The following ECEL1 variants were observed in gnomAD, a reference collection of about 807,000 sequenced individuals.
ECEL1 encodes the protein endothelin converting enzyme like 1, also known as endothelin-converting enzyme-like 1.
In ECEL1, 87 loss-of-function variants were observed where a neutral mutation model predicts 101.8. The ratio of observed to expected loss-of-function variants is 0.85; its 90% confidence interval spans 0.72 to 1.02. The LOEUF is 1.02. Among genes scored for constraint, ECEL1 ranks in the 50% least tolerant of loss-of-function variants. The pLI, the probability that ECEL1 is intolerant of heterozygous loss-of-function variation, is 0.00. For missense variants in ECEL1, 1,032 were observed against 1,079.2 expected (o/e 0.96, Z 0.61); for synonymous variants, 487 against 468.7 (o/e 1.04, Z -0.50).
rs551381928 is a variant in ECEL1 at position 232,481,281 on chromosome 2, AG to A, written c.1990-126del. 227 of 1,363,926 alleles carry A rather than the reference AG, an allele frequency of 1.7e-4. 2 individuals are homozygous for A. In the South Asian group the frequency reaches 2.3e-3, roughly 14 times the overall value. The allele number at this position is 1,363,926 out of a possible 1,614,324, so 84.5% of individuals were successfully genotyped here. A position where few individuals can be genotyped will look rare whatever the true frequency, so the allele number is the denominator to read the frequency against. On this transcript the variant is annotated intron_variant, in intron 14 of 17. Coordinates refer to ENST00000304546, the MANE Select transcript of ECEL1 (RefSeq NM_004826.4). ...CTCCTTCCCTTGCCCAGAGAGTTTG[AG>A]GGGGGGCTCCAACCCTACTCTTTCC...
intron 5 of ECEL1, 100 bp downstream of exon 5, chr2:232,484,701 A>C (rs1448645409): frequency 1.9e-6 from 3 of 1,603,618 alleles, no homozygotes; most frequent in Non-Finnish European, 2.6e-6. Context: ...GTCCATGGCC[A>C]AGGAACGGTT....
At position 232,484,965 on chromosome 2, in the gene ECEL1, G is replaced by A; in HGVS notation, c.966+16C>T. 6.2e-7 allele frequency: 1 copy of A among 1,612,960 alleles called. No homozygotes were observed. The highest frequency in any genetic ancestry group is 1.3e-5 in the African/African-American group (1 of 75,054). On this transcript the variant is annotated intron_variant, in intron 4 of 17. Coordinates refer to ENST00000304546, the MANE Select transcript of ECEL1 (RefSeq NM_004826.4). ...TCCCTCAAGCCCAGGGCAGCCTCCA[G>A]TCCTGGTCTGCTCACGTTGGCCAGC...
chr2:232,486,547 C>A lies in ECEL1; in HGVS notation c.107G>T (p.Gly36Val), dbSNP rs1173200136. Reference protein sequence around the residue: ...GGARGASLPPGFPLGAARSAT... With the variant: ...GGARGASLPPVFPLGAARSAT... ...GCTGCGCGCAGCGCCCAACGGGAAG[C>A]CCGGGGGCAGGGAGGCCCCGCGCGC... The change falls in exon 2 of 18, where the codon GGC (glycine) becomes GTC (valine). Residue 36 changes from glycine (G) to valine (V), a missense_variant. Transcript: ENST00000304546. The A allele has an allele frequency of 2.2e-6, 3 of 1,351,756 alleles. No individual in the cohort carries two copies. The highest frequency in any genetic ancestry group is 1.9e-5 in the South Asian group (1 of 53,330). The allele number at this position is 1,351,756 out of a possible 1,614,324, so 83.7% of individuals were successfully genotyped here.
chr2:232,485,122 C>G (rs763370483), intron 3 of ECEL1, 31 bp from the exon 4 acceptor site: 1 of 1,611,628 alleles, frequency 6.2e-7, no homozygotes, highest in Non-Finnish European at 8.5e-7. Context: ...CACCCAGGGA[C>G]AGGGACAGGC....
rs564717204 is a variant in ECEL1 at position 232,486,499 on chromosome 2, A to G, written c.155T>C (p.Leu52Pro). The G allele has an allele frequency of 6.1e-3, 8,367 of 1,382,718 alleles. 24 individuals carry two copies. The highest frequency in any genetic ancestry group is 6.9e-3 in the Non-Finnish European group (7,491 of 1,078,528). 85.7% of individuals were successfully genotyped at this position (1,382,718 alleles called of 1,614,324 possible). A position where few individuals can be genotyped will look rare whatever the true frequency, so the allele number is the denominator to read the frequency against. ...ARSATGARSG[L>P]PRWNRREVCL... ...CACCTCGCGCCGGTTCCAGCGCGGC[A>G]GCCCGGACCGGGCCCCGGTGGCGCT... Residue 52 changes from leucine to proline, a missense_variant, in exon 2 of 18, where the codon CTG (leucine) becomes CCG (proline). Coordinates refer to ENST00000304546, the MANE Select transcript of ECEL1 (RefSeq NM_004826.4).
At position 232,482,835 on chromosome 2, in the gene ECEL1, T is replaced by C; in HGVS notation, c.1685+16A>G. 6.2e-7 allele frequency: 1 copy of C among 1,613,326 alleles called. No individual in the cohort carries two copies. The highest frequency in any genetic ancestry group is 1.1e-5 in the South Asian group (1 of 91,064). ...ACAACCCTTCCCTGACCCCCAGCTC[T>C]GGGCCAGGCACCCACGTGGACTTGT... is the stretch of plus-strand genomic sequence containing the variant. On this transcript the variant is annotated intron_variant, in intron 10 of 17. Coordinates refer to ENST00000304546, the MANE Select transcript of ECEL1 (RefSeq NM_004826.4).
chr2:232,481,913 C>T, intron 12 of ECEL1, 64 bp from the exon 13 acceptor site: 1 of 1,601,950 alleles, frequency 6.2e-7, no homozygotes, highest in Non-Finnish European at 8.5e-7. Context: ...ATGCTGCTGC[C>T]CAGGCCCCAG....
Position 232,486,083 on chromosome 2 carries a change from G to T in ECEL1, c.571C>A (p.Arg191Ser), listed in dbSNP as rs1239757026. The T allele has an allele frequency of 1.9e-6, 3 of 1,599,516 alleles. No homozygotes were observed. The highest frequency in any genetic ancestry group is 2.7e-5 in the African/African-American group (2 of 74,762). Residue 191 changes from arginine (R) to serine (S), a missense_variant, in exon 2 of 18, where the codon CGC becomes AGC. Coordinates refer to ENST00000304546, the MANE Select transcript of ECEL1 (RefSeq NM_004826.4). ...CGCGGGCCCAGTCGCTCGATCTCGC[G>T]CATGTCGAGGCACGAGCGGAAGAAG... ...RAFFRSCLDMREIERLGPRPM... is the reference protein window; with the variant it reads ...RAFFRSCLDMSEIERLGPRPM...
rs773230129 is a variant in ECEL1 at position 232,484,769 on chromosome 2, C to A, written c.1059+32G>T. 4.4e-5 allele frequency: 71 copies of A among 1,613,092 alleles called. No homozygotes were observed. In the South Asian group the frequency reaches 7.6e-4, roughly 17 times the overall value. ...CCCAGCAGCAGCATTGCCCTCAACC[C>A]TGCCTGCCCACGAGGACTGGGCCAC... is the stretch of plus-strand genomic sequence containing the variant. On this transcript the variant is annotated intron_variant, in intron 5 of 17. Transcript: ENST00000304546.
At position 232,485,934 on chromosome 2, in the gene ECEL1, G is replaced by A; in HGVS notation, c.720C>T (p.Ser240=). The change falls in exon 2 of 18, where the codon AGC becomes AGT. Residue 240 remains serine, a synonymous_variant. Coordinates refer to ENST00000304546, the MANE Select transcript of ECEL1 (RefSeq NM_004826.4). ...RLLYKAQGVY[S]AAALFSLTVS... ...CCGTGAGCGAGAAGAGCGCGGCGGC[G>A]CTGTACACGCCCTGCGCCTTGTACA... 6.3e-7 allele frequency: 1 copy of A among 1,578,882 alleles called. No individual in the cohort carries two copies. The highest frequency in any genetic ancestry group is 8.6e-7 in the Non-Finnish European group (1 of 1,164,928).
intron 10 of ECEL1, 24 bp from the exon 11 acceptor site, chr2:232,482,632 T>TG (rs775332520): frequency 6.3e-7 from 1 of 1,599,402 alleles, no homozygotes; most frequent in African/African-American, 1.3e-5. Flanking sequence ...CTGGGGTGAA[T>TG]GGGGGGAACA....
Position 232,480,085 on chromosome 2 carries a change from C to A in ECEL1, c.*68G>T. The A allele has an allele frequency of 6.5e-7, 1 of 1,527,944 alleles. No homozygotes were observed. Among genetic ancestry groups the A allele is most frequent in the Non-Finnish European group, 9.0e-7 (1 of 1,110,156 alleles). 94.6% of individuals were successfully genotyped at this position (1,527,944 alleles called of 1,614,324 possible). A position where few individuals can be genotyped will look rare whatever the true frequency, so the allele number is the denominator to read the frequency against. ...AGCGGGGCTGGCACCGGGTGCATGC[C>A]TGCCCCGGTAGCCAGCAGGAGGTGA... is the stretch of plus-strand genomic sequence containing the variant. On this transcript the variant is annotated 3_prime_UTR_variant, in exon 18 of 18. Transcript: ENST00000304546.
intron 13 of ECEL1, 41 bp from the exon 14 acceptor site, chr2:232,481,671 G>GCCCC: frequency 2.5e-6 from 4 of 1,602,222 alleles, no homozygotes; most frequent in South Asian, 2.2e-5. Flanking sequence ...CCTCACCTGA[G>GCCCC]CCCCCTCCCC....
intron 10 of ECEL1, 56 bp from the exon 11 acceptor site, chr2:232,482,664 C>G (rs1035271393): frequency 6.4e-6 from 10 of 1,567,802 alleles, no homozygotes; most frequent in Non-Finnish European, 8.7e-6. Context: ...CCGCTACCCT[C>G]ACATCACAGC....
Position 232,484,012 on chromosome 2 carries a change from T to C in ECEL1, c.1396A>G (p.Ser466Gly), listed in dbSNP as rs1305736313. The stretch of plus-strand genomic sequence containing the variant: ...CAAGGGCAACCCACCTTGGCTTTGC[T>C]GGCAGCTGAGAAGTGCTCATGTACA... The part of the protein sequence containing the change: ...LFVHEHFSAA[S>G]KAKVQQLVED... Residue 466 changes from serine (S) to glycine (G), a missense_variant, in exon 7 of 18, where the codon AGC becomes GGC. Coordinates refer to ENST00000304546, the MANE Select transcript of ECEL1 (RefSeq NM_004826.4). The C allele has an allele frequency of 1.2e-6, 2 of 1,603,144 alleles. No homozygotes were observed. The highest frequency in any genetic ancestry group is 1.7e-6 in the Non-Finnish European group (2 of 1,171,634).
In ECEL1 at chr2:232,480,380, G is replaced by A; in HGVS notation, c.2228+19C>T. The A allele has an allele frequency of 6.2e-7, 1 of 1,613,434 alleles. No individual in the cohort carries two copies. The highest frequency in any genetic ancestry group is 8.5e-7 in the Non-Finnish European group (1 of 1,179,482). On this transcript the variant is annotated intron_variant, in intron 17 of 17. Transcript: ENST00000304546. ...CAAACACAAGGAGTGGACAAGGCCA[G>A]GCGGGCAGGTGGGCATACCTGTAGT...
rs1690661509 is a variant in ECEL1, at chr2:232,484,217, C to G, written c.1191G>C (p.Leu397=). ...QLIRSTPHRV[L]HNYLVWRVVV... ...CCACGCGCCACACCAGGTAGTTGTG[C>G]AGGACCCTGGGGACCAGGTGAAGCC... Residue 397 remains leucine, a synonymous_variant, in exon 7 of 18, where the codon CTG becomes CTC. Transcript: ENST00000304546. 1 of 1,610,868 alleles carries G rather than the reference C, an allele frequency of 6.2e-7. No individual in the cohort carries two copies.
chr2:232,481,276 G>A, intron 14 of ECEL1, 120 bp from the exon 15 acceptor site: 1 of 1,378,066 alleles, frequency 7.3e-7, no homozygotes, highest in Non-Finnish European at 9.9e-7. Flanking sequence ...TGCCCAGAGA[G>A]TTTGAGGGGG....
Position 232,486,329 on chromosome 2 carries a change from C to T in ECEL1, c.325G>A (p.Ala109Thr). ...TCCAGGTTGGCGGCCAGGAAGCGAG[C>T]GGCGCGCGCGAAGGCCTTGCGCTCA... ...CPERKAFARA[A>T]RFLAANLDAS... is the part of the protein sequence containing the mutation. Residue 109 changes from alanine to threonine, a missense_variant, in exon 2 of 18, where the codon GCT (alanine) becomes ACT (threonine). Coordinates refer to ENST00000304546, the MANE Select transcript of ECEL1 (RefSeq NM_004826.4). 6.4e-7 allele frequency: 1 copy of T among 1,566,236 alleles called. No homozygotes were observed. The highest frequency in any genetic ancestry group is 8.6e-7 in the Non-Finnish European group (1 of 1,164,406).
Sources: gnomAD v4.1 joint callset for allele counts on GRCh38, gnomAD v4.1.1 for gene constraint, MANE v1.5 for transcripts, NCBI Gene and HGNC (gene_info 2026-07-23, HGNC 2026-07-21) for gene names.